COMMD10: variants seen among roughly 807,000 people sequenced by gnomAD.
COMMD10 encodes the protein COMM domain containing 10.
In COMMD10, 33 loss-of-function variants were observed where a neutral mutation model predicts 28.9. The ratio of observed to expected loss-of-function variants is 1.14; its 90% confidence interval spans 0.87 to 1.53. The LOEUF is 1.53. Among genes scored for constraint, COMMD10 ranks in the 40% most tolerant of loss-of-function variants. The pLI is 0.00. For missense variants in COMMD10, 310 were observed against 233.4 expected (o/e 1.33, Z -2.14); for synonymous variants, 110 against 81.7 (o/e 1.35, Z -1.87).
intron 4 of COMMD10, among the ~76,000 whole-genome samples, chr5:116,109,216 C>T (rs566670881): frequency 4.1e-4 from 63 of 152,260 alleles, no homozygotes; most frequent in African/African-American, 1.4e-3. Flanking sequence ...TTGTTTGTGT[C>T]GTGTTCAGTT....
chr5:116,171,113 A>G (rs1020193977), intron 5 of COMMD10, among the ~76,000 whole-genome samples: 22 of 150,076 alleles, frequency 1.5e-4, no homozygotes, highest in Non-Finnish European at 1.5e-5. Context: ...TCCAGAATCT[A>G]CAAATAACTT....
intron 5 of COMMD10, among the ~76,000 whole-genome samples, chr5:116,236,398 G>C (rs1749662113): frequency 6.6e-6 from 1 of 151,506 alleles, no homozygotes; most frequent in Non-Finnish European, 1.5e-5. Flanking sequence ...CAGCTACTAG[G>C]GAGACTGAGG....
chr5:116,286,862 G>GT (rs1751232376), intron 5 of COMMD10, among the ~76,000 whole-genome samples: 1 of 151,776 alleles, frequency 6.6e-6, no homozygotes, highest in Admixed American at 6.6e-5. Flanking sequence ...GTATATGTCT[G>GT]TTAGGTCTAA....
intron 4 of COMMD10, among the ~76,000 whole-genome samples, chr5:116,106,316 A>T (rs1750838281): frequency 6.6e-6 from 1 of 152,064 alleles, no homozygotes. Context: ...CTTAATCTTG[A>T]GTCTAATTTG....
At chr5:116,259,932 A>G (rs1750395903) in intron 5 of COMMD10, among the ~76,000 whole-genome samples, 1 of 151,764 alleles carries the variant, frequency 6.6e-6, no homozygotes, top group African/African-American at 2.4e-5. Context: ...TTTTAGCTGC[A>G]GGTTTCTCCA....
At chr5:116,232,834 ATTAAC>A (rs1013054534) in intron 5 of COMMD10, among the ~76,000 whole-genome samples, 2 of 152,192 alleles carry the variant, frequency 1.3e-5, no homozygotes, top group Non-Finnish European at 2.9e-5. Flanking sequence ...CTTTACATAT[ATTAAC>A]TTGTTAAATT....
chr5:116,202,194 T>C lies in COMMD10; in HGVS notation c.510+68016T>C, dbSNP rs565912198. Reference sequence around the variant, plus strand: ...GAATGATGATTTCCAATTTCATCCATGTCCCTACAAAGGACATGAACTCAT... The same window carrying C: ...GAATGATGATTTCCAATTTCATCCACGTCCCTACAAAGGACATGAACTCAT... On this transcript the variant is annotated intron_variant, in intron 5 of 6. Transcript: ENST00000274458. 1.6e-3 allele frequency among the ~76,000 whole-genome samples: 247 copies of C among 152,136 alleles called. 3 individuals carry two copies. Among genetic ancestry groups the C allele is most frequent in the African/African-American group, 5.7e-3 (237 of 41,490 alleles).
At chr5:116,199,951 T>C (rs909756232) in intron 5 of COMMD10, among the ~76,000 whole-genome samples, 2 of 152,050 alleles carry the variant, frequency 1.3e-5, no homozygotes, top group African/African-American at 4.8e-5. Flanking sequence ...TCCTCAACAC[T>C]AAATATTTTA....
In COMMD10 at chr5:116,282,925, A is replaced by G. The variant is rs73261061; in HGVS notation, c.511-8592A>G. ...TCAGACCATAACAGAGCCTAAACTCATAGTTGATAGACGAGGAATAAACAT... is the reference window on the plus strand; with the variant it reads ...TCAGACCATAACAGAGCCTAAACTCGTAGTTGATAGACGAGGAATAAACAT... On this transcript the variant is annotated intron_variant, in intron 5 of 6. Transcript: ENST00000274458. 8.3e-3 allele frequency among the ~76,000 whole-genome samples: 1,256 copies of G among 152,052 alleles called. 52 individuals carry two copies. Among genetic ancestry groups the G allele is most frequent in the African/African-American group, 0.028 (1,167 of 41,306 alleles).
intron 5 of COMMD10, among the ~76,000 whole-genome samples, chr5:116,235,331 A>C (rs1327115654): frequency 1.3e-5 from 2 of 152,326 alleles, no homozygotes; most frequent in East Asian, 1.9e-4. Flanking sequence ...AATTGTAGGC[A>C]TGTTGCTTGC....
intron 5 of COMMD10, among the ~76,000 whole-genome samples, chr5:116,208,476 C>T (rs1748874846): frequency 6.6e-6 from 1 of 152,124 alleles, no homozygotes; most frequent in Non-Finnish European, 1.5e-5. Flanking sequence ...CCTCCTTGTA[C>T]ATGTTGCTAA....
chr5:116,220,307 G>C (rs779823924), intron 5 of COMMD10, among the ~76,000 whole-genome samples: 4 of 152,146 alleles, frequency 2.6e-5, no homozygotes, highest in African/African-American at 9.7e-5. Context: ...TGAAGACTAC[G>C]TGAATTGAGT....
At chr5:116,292,362 CCTTT>C (rs1751386827) in intron 6 of COMMD10, 85 bp from the exon 7 acceptor site, 2 of 726,508 alleles carry the variant, frequency 2.8e-6, no homozygotes, top group Admixed American at 6.0e-5. Flanking sequence ...GCTATTTTTT[CCTTT>C]CTATTTGCAT....
Position 116,245,909 on chromosome 5 carries a change from C to A in COMMD10, c.511-45608C>A, listed in dbSNP as rs551043155. Among the ~76,000 whole-genome samples, 10 of 152,228 alleles carry A rather than the reference C, an allele frequency of 6.6e-5. No individual in the cohort carries two copies. The South Asian group carries it at 2.1e-3, about 32-fold the overall frequency. ...AATGAGCAAAAGCTGGAAGCATTCCCCTTAAAAATTGGCACAAAACAAGGA... is the reference window on the plus strand; with the variant it reads ...AATGAGCAAAAGCTGGAAGCATTCCACTTAAAAATTGGCACAAAACAAGGA... On this transcript the variant is annotated intron_variant, in intron 5 of 6. Transcript: ENST00000274458.
At chr5:116,191,301 ACT>A (rs147252230) in intron 5 of COMMD10, among the ~76,000 whole-genome samples, 41 of 152,140 alleles carry the variant, frequency 2.7e-4, no homozygotes, top group African/African-American at 9.9e-4. Context: ...CCTGGCCAGA[ACT>A]CGGGTGAGGA....
chr5:116,176,366 G>A (rs937636603), intron 5 of COMMD10, among the ~76,000 whole-genome samples: 6 of 152,204 alleles, frequency 3.9e-5, no homozygotes, highest in South Asian at 2.1e-4. Context: ...CACTCTCGTC[G>A]GCCTCCCAAA....
intron 5 of COMMD10, among the ~76,000 whole-genome samples, chr5:116,242,973 A>C (rs903956543): frequency 6.6e-6 from 1 of 152,202 alleles, no homozygotes; most frequent in African/African-American, 2.4e-5. Context: ...AAAGTGCTTA[A>C]ATTTTCAATG....
At chr5:116,102,288 C>T (rs1164411323) in intron 4 of COMMD10, among the ~76,000 whole-genome samples, 1 of 152,134 alleles carries the variant, frequency 6.6e-6, no homozygotes, top group Non-Finnish European at 1.5e-5. Context: ...ATGCAGTTTT[C>T]TCAGCACCAT....
At chr5:116,089,807 C>T (rs768104192) in intron 2 of COMMD10, among the ~76,000 whole-genome samples, 21 of 152,162 alleles carry the variant, frequency 1.4e-4, no homozygotes, top group Non-Finnish European at 2.2e-4. Context: ...GCTAAGAAGA[C>T]GTCAGGAAAG....
Sources: gnomAD v4.1 joint callset for allele counts (sites outside exome capture counted in the v4.1 genomes callset) on GRCh38, gnomAD v4.1.1 for gene constraint, MANE v1.5 for transcripts, NCBI Gene and HGNC (gene_info 2026-07-23, HGNC 2026-07-21) for gene names.